The following TRIM48 variants were observed in gnomAD, a reference collection of about 807,000 sequenced individuals.
TRIM48 encodes tripartite motif containing 48, also known as E3 ubiquitin-protein ligase TRIM48.
In TRIM48, 31 loss-of-function variants were observed where a neutral mutation model predicts 29.5. That is an observed-to-expected ratio of 1.05 (90% confidence interval 0.79 to 1.42). The LOEUF (loss-of-function observed/expected upper bound fraction) is 1.42, where lower values mean the gene tolerates loss of function less well. Among genes scored for constraint, TRIM48 ranks in the 40% most tolerant of loss-of-function variants. The pLI is 0.00. For synonymous variants in TRIM48, 128 were observed against 90.6 expected, an observed-to-expected ratio of 1.41 and a Z score of -2.34; for missense variants, 344 against 265.0, an observed-to-expected ratio of 1.30 and a Z score of -2.07.
At chr11:55,267,902 C>G (rs1343093416) in intron 3 of TRIM48, among the ~76,000 whole-genome samples, 1 of 147,708 alleles carries the variant, frequency 6.8e-6, no homozygotes, top group African/African-American at 2.5e-5. Flanking sequence ...CCAACTAAGT[C>G]AATAATACAT....
rs1857379135 is a variant in TRIM48, at chr11:55,265,537, T to A, written c.460-63T>A. The A allele has an allele frequency of 4.5e-6, 7 of 1,545,752 alleles. 1 individual carries two copies. The Admixed American group carries it at 7.1e-5, about 16-fold the overall frequency. The stretch of plus-strand genomic sequence containing the variant: ...TCTCTCATTCTGGGCCCCCTCCCAA[T>A]GAAACGGTCTGTATGTTACTTTATT... On this transcript the variant is annotated intron_variant, in intron 2 of 5. Coordinates refer to ENST00000417545, the MANE Select transcript of TRIM48 (RefSeq NM_024114.5).
chr11:55,262,261 C>A lies in TRIM48; in HGVS notation c.-7C>A, dbSNP rs2120093860. The A allele has an allele frequency of 6.5e-7, 1 of 1,548,702 alleles. No individual in the cohort carries two copies. Among genetic ancestry groups the A allele is most frequent in the East Asian group, 2.4e-5 (1 of 40,862 alleles). On this transcript the variant is annotated 5_prime_UTR_variant, in exon 1 of 6. Transcript: ENST00000417545. ...GCTCCTGACCTTGAGGAGTACTTAA[C>A]AGAATTATGTCTCGAAGAATCATTG...
intron 3 of TRIM48, among the ~76,000 whole-genome samples, chr11:55,268,074 G>C (rs1433665985): frequency 6.8e-6 from 1 of 147,592 alleles, no homozygotes; most frequent in African/African-American, 2.5e-5. Context: ...TGACCGAGTA[G>C]GTTATTCGAG....
chr11:55,264,649 A>G lies in TRIM48; in HGVS notation c.45-251A>G, dbSNP rs1318617193. Among the ~76,000 whole-genome samples the G allele has an allele frequency of 2.7e-5, 4 of 148,212 alleles. 1 individual carries two copies. Among genetic ancestry groups the G allele is most frequent in the Non-Finnish European group, 6.0e-5 (4 of 67,030 alleles). ...CATTCAGAAAAAAATGGGAAATTGA[A>G]TAGATTAGTATTATGTTACAGACAG... On this transcript the variant is annotated intron_variant, in intron 1 of 5. Transcript: ENST00000417545.
intron 1 of TRIM48, among the ~76,000 whole-genome samples, chr11:55,263,102 G>A (rs1245810048): frequency 1.3e-5 from 2 of 152,090 alleles, no homozygotes; most frequent in Non-Finnish European, 2.9e-5. Context: ...ACATTCATGA[G>A]CCATTTCAGT....
At chr11:55,263,418 C>T (rs7114379) in intron 1 of TRIM48, among the ~76,000 whole-genome samples, 7,238 of 151,840 alleles carry the variant, frequency 0.048, 212 homozygotes, top group Non-Finnish European at 0.062. Context: ...TTTTGGAGGC[C>T]GTGGCAGGCA....
At chr11:55,264,300 GT>G (rs1857352667) in intron 1 of TRIM48, among the ~76,000 whole-genome samples, 1 of 147,372 alleles carries the variant, frequency 6.8e-6, no homozygotes, top group African/African-American at 2.5e-5. Context: ...TGTTTATTTG[GT>G]TGGTTGATTG....
chr11:55,265,829 A>T (rs1197609317), intron 3 of TRIM48, 134 bp downstream of exon 3: 3 of 1,144,296 alleles, frequency 2.6e-6, no homozygotes, highest in Admixed American at 3.0e-5. Flanking sequence ...GAAAACATTG[A>T]GAAAAAATGG....
At chr11:55,263,837 T>A (rs1452381315) in intron 1 of TRIM48, among the ~76,000 whole-genome samples, 3 of 152,194 alleles carry the variant, frequency 2.0e-5, no homozygotes, top group Non-Finnish European at 4.4e-5. Context: ...GATACTGGTA[T>A]CTTGACTGAT....
In TRIM48 at chr11:55,270,552, T is replaced by G; in HGVS notation, c.*117T>G. 1 of 1,583,314 alleles carries G rather than the reference T, an allele frequency of 6.3e-7. No homozygotes were observed. Among genetic ancestry groups the G allele is most frequent in the Non-Finnish European group, 8.6e-7 (1 of 1,165,788 alleles). ...ATCCGCCCCATATCACTGCAACACC[T>G]ACAAGTTTTCTTGCATGGGGTGCTC... On this transcript the variant is annotated 3_prime_UTR_variant, in exon 6 of 6. Coordinates refer to ENST00000417545, the MANE Select transcript of TRIM48 (RefSeq NM_024114.5).
rs1857424180 is a variant in TRIM48 at position 55,268,332 on chromosome 11, T to C, written c.556-18T>C. On this transcript the variant is annotated intron_variant, in intron 3 of 5. Coordinates refer to ENST00000417545, the MANE Select transcript of TRIM48 (RefSeq NM_024114.5). ...TCTTGTGAACTGCACTAAATCTTTC[T>C]ATTTTTTTTTTTTACAGGCTTTTGG... 1.3e-5 allele frequency: 19 copies of C among 1,506,692 alleles called. 2 individuals carry two copies. The highest frequency in any genetic ancestry group is 1.6e-5 in the Non-Finnish European group (18 of 1,111,496). The allele number at this position is 1,506,692 out of a possible 1,614,324, so 93.3% of individuals were successfully genotyped here.
chr11:55,263,486 C>T lies in TRIM48; in HGVS notation c.44+1175C>T, dbSNP rs546670332. 1.7e-3 allele frequency among the ~76,000 whole-genome samples: 263 copies of T among 151,226 alleles called. 2 individuals carry two copies. The highest frequency in any genetic ancestry group is 6.3e-3 in the African/African-American group (258 of 41,022). On this transcript the variant is annotated intron_variant, in intron 1 of 5. Transcript: ENST00000417545. Reference sequence around the variant, plus strand: ...TGGCCAACATGGCGAAACCTCATCTCTACTGGAAAAAAAAAAAATGAAAAA... The same window carrying T: ...TGGCCAACATGGCGAAACCTCATCTTTACTGGAAAAAAAAAAAATGAAAAA...
intron 3 of TRIM48, 106 bp downstream of exon 3, chr11:55,265,801 A>AAG: frequency 1.1e-6 from 1 of 909,154 alleles, no homozygotes; most frequent in Non-Finnish European, 1.5e-6. Context: ...GGGAGTCAAA[A>AAG]AAAAAAAAAA....
chr11:55,262,780 G>C (rs938813684), intron 1 of TRIM48, among the ~76,000 whole-genome samples: 3 of 148,112 alleles, frequency 2.0e-5, no homozygotes, highest in Non-Finnish European at 4.5e-5. Flanking sequence ...AAACATCCCA[G>C]TTTGGAAATC....
chr11:55,263,272 G>A (rs1306646534), intron 1 of TRIM48, among the ~76,000 whole-genome samples: 21 of 152,078 alleles, frequency 1.4e-4, no homozygotes, highest in Admixed American at 8.5e-4. Flanking sequence ...TGTAGTCTAG[G>A]AGCAATAGGC....
rs1475784193 is a variant in TRIM48, at chr11:55,264,448, GT to G, written c.45-450del. On this transcript the variant is annotated intron_variant, in intron 1 of 5. Coordinates refer to ENST00000417545, the MANE Select transcript of TRIM48 (RefSeq NM_024114.5). ...TGCCATGGTGGTTTGCTGCCCCACT[GT>G]TGTGTCTCTCTCTCAAAATATATCA... is the stretch of plus-strand genomic sequence containing the variant. Among the ~76,000 whole-genome samples, 2 of 147,986 alleles carry G rather than the reference GT, an allele frequency of 1.4e-5. 1 individual carries two copies. Among genetic ancestry groups the G allele is most frequent in the Admixed American group, 1.4e-4 (2 of 14,626 alleles).
chr11:55,270,743 G>T lies in TRIM48; in HGVS notation c.*308G>T. ...GGGTGTGTTAAGAACGACATTCAGT[G>T]CAGTCTCTTTACCACCTCCCCAATT... is the stretch of plus-strand genomic sequence containing the variant. On this transcript the variant is annotated 3_prime_UTR_variant, in exon 6 of 6. Transcript: ENST00000417545. The T allele has an allele frequency of 5.1e-6, 8 of 1,564,614 alleles. No individual in the cohort carries two copies. The highest frequency in any genetic ancestry group is 1.7e-5 in the Admixed American group (1 of 58,230).
rs1257257131 is a variant in TRIM48, at chr11:55,265,677, C to G, written c.537C>G (p.Thr179=). The change falls in exon 3 of 6, where the codon ACC becomes ACG. Residue 179 remains threonine (T), a synonymous_variant. Transcript: ENST00000417545. ...ENQRNLNVET[T]RISHWKAFGD... is the part of the protein sequence containing the mutation. ...AGAGAAACCTGAATGTGGAAACCAC[C>G]AGAATCAGCCACTGGAAGGTTAGTC... 2 of 1,580,072 alleles carry G rather than the reference C, an allele frequency of 1.3e-6. No homozygotes were observed. Among genetic ancestry groups the G allele is most frequent in the Admixed American group, 3.4e-5 (2 of 58,064 alleles).
At chr11:55,262,603 GT>G (rs1857321176) in intron 1 of TRIM48, among the ~76,000 whole-genome samples, 2 of 152,194 alleles carry the variant, frequency 1.3e-5, no homozygotes, top group Admixed American at 1.3e-4. Context: ...ACACATAGGT[GT>G]GTGTAAATAT....
Sources: gnomAD v4.1 joint callset for allele counts (sites outside exome capture counted in the v4.1 genomes callset) on GRCh38, gnomAD v4.1.1 for gene constraint, MANE v1.5 for transcripts, NCBI Gene and HGNC (gene_info 2026-07-23, HGNC 2026-07-21) for gene names.